Variants in METTL15 observed in about 807,000 individuals in gnomAD.
METTL15 encodes the protein 12S rRNA N(4)-cytidine methyltransferase METTL15.
In METTL15, 34 loss-of-function variants were observed where a neutral mutation model predicts 38.3. The ratio of observed to expected loss-of-function variants is 0.89; its 90% CI spans 0.68 to 1.18. The LOEUF (loss-of-function observed/expected upper bound fraction) is 1.18, where lower values mean the gene tolerates loss of function less well. METTL15 is among the 50% of genes most tolerant of loss of function. The pLI is 0.00. For missense variants in METTL15, 438 were observed against 498.4 expected, an observed-to-expected ratio of 0.88 and a Z score of 1.15; for synonymous variants, 162 against 170.9, an observed-to-expected ratio of 0.95 and a Z score of 0.41.
intron 5 of METTL15, among the ~76,000 whole-genome samples, chr11:28,408,536 G>T (rs1850696419): frequency 2.0e-5 from 3 of 152,128 alleles, no homozygotes; most frequent in Admixed American, 2.0e-4. Flanking sequence ...TGTATTAATT[G>T]TAAAAAAATA....
chr11:28,160,886 T>C (rs953703367), intron 3 of METTL15, among the ~76,000 whole-genome samples: 1 of 152,102 alleles, frequency 6.6e-6, no homozygotes, highest in African/African-American at 2.4e-5. Context: ...ATTTAGTACA[T>C]TGATTCTCAA....
intron 3 of METTL15, among the ~76,000 whole-genome samples, chr11:28,146,931 T>C (rs1164987422): frequency 6.6e-6 from 1 of 151,910 alleles, no homozygotes; most frequent in African/African-American, 2.4e-5. Flanking sequence ...AAAGAAAATA[T>C]TTCATTTATA....
At chr11:28,422,890 T>C (rs1370710019) in intron 5 of METTL15, among the ~76,000 whole-genome samples, 1 of 151,426 alleles carries the variant, frequency 6.6e-6, no homozygotes, top group African/African-American at 2.4e-5. Flanking sequence ...AAGGAAACAA[T>C]CAACAAAGTA....
intron 4 of METTL15, among the ~76,000 whole-genome samples, chr11:28,269,617 T>C (rs1003740604): frequency 6.6e-6 from 1 of 152,196 alleles, no homozygotes; most frequent in African/African-American, 2.4e-5. Context: ...AGTGCTTTTG[T>C]TATTATTTTA....
At chr11:28,290,543 C>T in intron 5 of METTL15, 146 bp downstream of exon 5, 3 of 694,526 alleles carry the variant, frequency 4.3e-6, no homozygotes, top group Non-Finnish European at 4.7e-6. Context: ...TTGTTTCATA[C>T]TCATTATACA....
At chr11:28,209,630 A>G (rs1026753555) in intron 3 of METTL15, among the ~76,000 whole-genome samples, 1 of 151,924 alleles carries the variant, frequency 6.6e-6, no homozygotes, top group African/African-American at 2.4e-5. Context: ...TCCATCCTCC[A>G]ATTTTGATCA....
chr11:28,121,909 G>A (rs1384138653), intron 3 of METTL15, among the ~76,000 whole-genome samples: 1 of 151,906 alleles, frequency 6.6e-6, no homozygotes, highest in African/African-American at 2.4e-5. Context: ...GCACTGCCTG[G>A]CAATGTGATG....
intron 3 of METTL15, among the ~76,000 whole-genome samples, chr11:28,207,539 G>A (rs899033606): frequency 9.6e-4 from 146 of 151,926 alleles, no homozygotes; most frequent in African/African-American, 2.6e-3. Flanking sequence ...TTTTGCATCA[G>A]GGTTCATCAA....
intron 6 of METTL15, among the ~76,000 whole-genome samples, chr11:28,461,669 T>G (rs1235931351): frequency 6.6e-6 from 1 of 152,064 alleles, no homozygotes; most frequent in African/African-American, 2.4e-5. Flanking sequence ...GGGGCAACTA[T>G]TTTTGCTTTC....
At chr11:28,311,762 A>T (rs1004769233) in intron 6 of METTL15, among the ~76,000 whole-genome samples, 2 of 152,236 alleles carry the variant, frequency 1.3e-5, no homozygotes, top group African/African-American at 4.8e-5. Context: ...ATGTCTAGAG[A>T]TATGTTTATT....
At chr11:28,455,856 G>A (rs373737542) in intron 6 of METTL15, among the ~76,000 whole-genome samples, 2 of 151,980 alleles carry the variant, frequency 1.3e-5, no homozygotes, top group East Asian at 1.9e-4. Flanking sequence ...ACAGGTGCCC[G>A]CTACCACACC....
chr11:28,470,602 C>G (rs1351625425), intron 6 of METTL15, among the ~76,000 whole-genome samples: 1 of 151,936 alleles, frequency 6.6e-6, no homozygotes, highest in African/African-American at 2.4e-5. Context: ...GTTCCTGAAG[C>G]CTTCAAGGAA....
At chr11:28,148,579 T>C (rs1237862365) in intron 3 of METTL15, among the ~76,000 whole-genome samples, 1 of 151,918 alleles carries the variant, frequency 6.6e-6, no homozygotes, top group Non-Finnish European at 1.5e-5. Context: ...ATTTTTATAA[T>C]TTTGCTTCTC....
Position 28,282,304 on chromosome 11 carries a change from A to G in METTL15, c.408-7902A>G, listed in dbSNP as rs1048022265. ...TTAGGAGTTGTACTGTCAATCACCA[A>G]CCGACACTGCATGTTTCTCTTAGTG... On this transcript the variant is annotated intron_variant, in intron 4 of 6. Coordinates refer to ENST00000407364, the MANE Select transcript of METTL15 (RefSeq NM_001113528.2). Among the ~76,000 whole-genome samples the G allele has an allele frequency of 2.3e-4, 35 of 152,254 alleles. No homozygotes were observed. The South Asian group carries it at 4.3e-3, about 19-fold the overall frequency.
intron 6 of METTL15, among the ~76,000 whole-genome samples, chr11:28,449,496 GC>G (rs914743642): frequency 6.6e-6 from 1 of 152,148 alleles, no homozygotes; most frequent in Admixed American, 6.5e-5. Flanking sequence ...ATTGAGAGTG[GC>G]AACAAGAGCA....
chr11:28,377,613 C>G (rs371470914), intron 5 of METTL15, among the ~76,000 whole-genome samples: 1 of 151,818 alleles, frequency 6.6e-6, no homozygotes, highest in Non-Finnish European at 1.5e-5. Context: ...AATGTCCTCC[C>G]GTAGCTCAGA....
chr11:28,297,453 G>T (rs1033169368), intron 6 of METTL15, among the ~76,000 whole-genome samples: 3 of 152,076 alleles, frequency 2.0e-5, no homozygotes, highest in Non-Finnish European at 2.9e-5. Context: ...AACTAACAAA[G>T]GGTATATGAT....
chr11:28,322,840 G>T (rs1475910005), intron 6 of METTL15, among the ~76,000 whole-genome samples: 1 of 152,154 alleles, frequency 6.6e-6, no homozygotes, highest in Non-Finnish European at 1.5e-5. Context: ...GACAATGTGA[G>T]CTCCACAAGA....
intron 3 of METTL15, among the ~76,000 whole-genome samples, chr11:28,117,893 C>T (rs972177067): frequency 6.6e-6 from 1 of 152,176 alleles, no homozygotes; most frequent in African/African-American, 2.4e-5. Flanking sequence ...AAATCATTTT[C>T]CTTTTCAAAC....
Sources: gnomAD v4.1 joint callset for allele counts (sites outside exome capture counted in the v4.1 genomes callset) on GRCh38, gnomAD v4.1.1 for gene constraint, MANE v1.5 for transcripts, NCBI Gene and HGNC (gene_info 2026-07-23, HGNC 2026-07-21) for gene names.